Variants in MPPED2 observed in about 807,000 individuals in gnomAD.
The protein encoded by MPPED2 is metallophosphoesterase domain containing 2, also known as metallophosphoesterase MPPED2.
Under a neutral mutation model 33.0 loss-of-function variants are expected in MPPED2, and 5 were observed. The observed-to-expected ratio is 0.15, with a 90% CI of 0.08 to 0.32. The LOEUF (loss-of-function observed/expected upper bound fraction) is 0.32, where lower values mean the gene tolerates loss of function less well. Ranked by LOEUF, MPPED2 falls within the 10% of genes least tolerant of loss-of-function variation. MPPED2 has a pLI of 1.00. For missense variants in MPPED2, 275 were observed against 372.1 expected, an observed-to-expected ratio of 0.74 and a Z score of 2.15; for synonymous variants, 136 against 141.9, an observed-to-expected ratio of 0.96 and a Z score of 0.29.
At chr11:30,580,215 T>C in intron 2 of MPPED2, 31 bp downstream of exon 2, 1 of 1,596,490 alleles carries the variant, frequency 6.3e-7, no homozygotes, top group Non-Finnish European at 8.5e-7. Context: ...TCTTGATTGC[T>C]AATTTTGTTA....
chr11:30,453,118 C>T (rs890559225), intron 4 of MPPED2, among the ~76,000 whole-genome samples: 4 of 152,112 alleles, frequency 2.6e-5, no homozygotes, highest in Non-Finnish European at 5.9e-5. Flanking sequence ...ATATAAAAGA[C>T]TAATCTCTCA....
intron 1 of MPPED2, among the ~76,000 whole-genome samples, chr11:30,581,522 TCTTA>T (rs1298495978): frequency 6.6e-6 from 1 of 152,202 alleles, no homozygotes; most frequent in Non-Finnish European, 1.5e-5. Context: ...TAACCCATGC[TCTTA>T]CTTTAAGTGC....
In MPPED2 at chr11:30,495,570, A is replaced by C. The variant is rs778006476; in HGVS notation, c.311-49T>G. ...AATTAGCACGTTCATTTCCCATCAC[A>C]AAGTACAACAGCCGAGACTGTGTGA... is the stretch of plus-strand genomic sequence containing the variant. On this transcript the variant is annotated intron_variant, in intron 3 of 6. Transcript: ENST00000358117. The C allele has an allele frequency of 5.8e-6, 8 of 1,381,126 alleles. No homozygotes were observed. In the South Asian group the frequency reaches 8.3e-5, roughly 14 times the overall value. 85.6% of individuals were successfully genotyped at this position (1,381,126 alleles called of 1,614,324 possible).
intron 2 of MPPED2, among the ~76,000 whole-genome samples, chr11:30,564,088 T>C (rs1374269358): frequency 6.6e-6 from 1 of 152,206 alleles, no homozygotes; most frequent in Non-Finnish European, 1.5e-5. Context: ...CTTGCTACTA[T>C]GTCTTAACCT....
Position 30,536,024 on chromosome 11 carries a change from A to G in MPPED2, c.280T>C (p.Ser94Pro). The G allele has an allele frequency of 6.2e-7, 1 of 1,610,814 alleles. No individual in the cohort carries two copies. The highest frequency in any genetic ancestry group is 8.5e-7 in the Non-Finnish European group (1 of 1,178,776). The change falls in exon 3 of 7, where the codon TCA (serine) becomes CCA (proline). Residue 94 changes from serine (S) to proline (P), a missense_variant. By Grantham distance (74) the Ser-to-Pro change is moderately conservative (BLOSUM62 -1). Transcript: ENST00000358117. ...TGDFTELGLP[S>P]EVKKFNDWLG... ...CAGTCATTAAACTTCTTAACCTCTGAGGGCAGTCCCAGCTCGGTGAAATCG... is the reference window on the plus strand; with the variant it reads ...CAGTCATTAAACTTCTTAACCTCTGGGGGCAGTCCCAGCTCGGTGAAATCG...
chr11:30,557,776 T>C (rs1480583907), intron 2 of MPPED2, among the ~76,000 whole-genome samples: 4 of 152,170 alleles, frequency 2.6e-5, no homozygotes, highest in African/African-American at 2.4e-5. Flanking sequence ...AAGTGAAAAG[T>C]TGCTATAGTA....
intron 3 of MPPED2, among the ~76,000 whole-genome samples, chr11:30,503,626 G>T (rs546906799): frequency 6.6e-6 from 1 of 152,158 alleles, no homozygotes; most frequent in African/African-American, 2.4e-5. Flanking sequence ...GTGAAAGAGA[G>T]CCTCCAAAAG....
At chr11:30,563,066 C>A (rs1374616) in intron 2 of MPPED2, among the ~76,000 whole-genome samples, 18,490 of 152,046 alleles carry the variant, frequency 0.12, 1,404 homozygotes, top group Middle Eastern at 0.24. Context: ...AGCAAAACAA[C>A]CAGGATCCCT....
chr11:30,534,605 A>G (rs538706839), intron 3 of MPPED2, among the ~76,000 whole-genome samples: 20 of 152,344 alleles, frequency 1.3e-4, no homozygotes, highest in African/African-American at 4.6e-4. Context: ...TAAAACTAGT[A>G]CCTATACATT....
chr11:30,430,898 T>C (rs1280270369), intron 4 of MPPED2, among the ~76,000 whole-genome samples: 3 of 152,180 alleles, frequency 2.0e-5, no homozygotes, highest in Non-Finnish European at 4.4e-5. Context: ...TGCTCTTCCA[T>C]TCACCCATCA....
chr11:30,477,504 G>T (rs1951270981), intron 4 of MPPED2, among the ~76,000 whole-genome samples: 1 of 150,544 alleles, frequency 6.6e-6, no homozygotes, highest in African/African-American at 2.5e-5. Flanking sequence ...CTGTTAATAG[G>T]ATGAATTAGA....
intron 2 of MPPED2, among the ~76,000 whole-genome samples, chr11:30,574,340 T>A (rs947148797): frequency 6.6e-6 from 1 of 152,220 alleles, no homozygotes; most frequent in Non-Finnish European, 1.5e-5. Context: ...TACAGTAGGA[T>A]GCTATATAGG....
intron 2 of MPPED2, among the ~76,000 whole-genome samples, chr11:30,559,732 G>C (rs1468618185): frequency 6.6e-6 from 1 of 151,642 alleles, no homozygotes; most frequent in Non-Finnish European, 1.5e-5. Flanking sequence ...TCCATGTGAG[G>C]CATACTAAAT....
chr11:30,455,517 G>A (rs921570182), intron 4 of MPPED2, among the ~76,000 whole-genome samples: 1 of 152,186 alleles, frequency 6.6e-6, no homozygotes. Flanking sequence ...TACATTTGAA[G>A]CATAAAAGGT....
At chr11:30,456,746 C>T (rs1201714682) in intron 4 of MPPED2, among the ~76,000 whole-genome samples, 1 of 152,128 alleles carries the variant, frequency 6.6e-6, no homozygotes, top group Non-Finnish European at 1.5e-5. Flanking sequence ...CTCATGGGTA[C>T]AGAATATTCT....
intron 4 of MPPED2, among the ~76,000 whole-genome samples, chr11:30,465,399 C>A (rs893284228): frequency 2.0e-5 from 3 of 152,200 alleles, no homozygotes; most frequent in Non-Finnish European, 4.4e-5. Context: ...GCAACCCTCC[C>A]AACTCAGCTT....
chr11:30,580,386 T>A lies in MPPED2; in HGVS notation c.-13A>T. On this transcript the variant is annotated 5_prime_UTR_variant, in exon 2 of 7. Transcript: ENST00000358117. ...TCCCATGTGCCATCCTTCCTCCCTA[T>A]AGGCATGAGCAATTCACAACTTTAC... 6.2e-7 allele frequency: 1 copy of A among 1,613,830 alleles called. No homozygotes were observed. Among genetic ancestry groups the A allele is most frequent in the Non-Finnish European group, 8.5e-7 (1 of 1,179,912 alleles).
intron 2 of MPPED2, among the ~76,000 whole-genome samples, chr11:30,568,316 T>G (rs1480998348): frequency 1.3e-5 from 2 of 152,200 alleles, no homozygotes; most frequent in African/African-American, 2.4e-5. Flanking sequence ...AGATTTCTGC[T>G]TAGCAACAGT....
At chr11:30,569,108 G>C (rs1357285806) in intron 2 of MPPED2, among the ~76,000 whole-genome samples, 1 of 152,158 alleles carries the variant, frequency 6.6e-6, no homozygotes, top group Non-Finnish European at 1.5e-5. Context: ...CAAATTCCAA[G>C]ATAAACAGTG....
Sources: gnomAD v4.1 joint callset for allele counts (sites outside exome capture counted in the v4.1 genomes callset) on GRCh38, gnomAD v4.1.1 for gene constraint, MANE v1.5 for transcripts, NCBI Gene and HGNC (gene_info 2026-07-23, HGNC 2026-07-21) for gene names.